The following PCDHGA1 variants were observed in gnomAD, a reference collection of about 807,000 sequenced individuals.
The protein encoded by PCDHGA1 is protocadherin gamma subfamily A, 1, also known as protocadherin gamma-A1.
A neutral mutation model predicts 58.0 loss-of-function variants in PCDHGA1; 32 were observed. The observed-to-expected ratio is 0.55, with a 90% CI of 0.42 to 0.74. The LOEUF (loss-of-function observed/expected upper bound fraction) is 0.74, where lower values mean the gene tolerates loss of function less well. PCDHGA1 is among the 30% of genes least tolerant of loss of function. The probability of loss-of-function intolerance (pLI) is 0.00; values close to 1 mark genes in which losing one functional copy is unlikely to be tolerated. For synonymous variants in PCDHGA1, 498 were observed against 501.1 expected (o/e 0.99, Z 0.08); for missense variants, 1,205 against 1,182.3 (o/e 1.02, Z -0.28).
chr5:141,433,262 T>A, intron 1 of PCDHGA1: 1 of 1,339,436 alleles, frequency 7.5e-7, no homozygotes, highest in Non-Finnish European at 1.0e-6. Flanking sequence ...GGTACGATCA[T>A]AGCTCACTGC....
intron 1 of PCDHGA1, chr5:141,419,113 C>A: frequency 6.2e-7 from 1 of 1,613,872 alleles, no homozygotes; most frequent in Non-Finnish European, 8.5e-7. Flanking sequence ...CCCCAGAGTA[C>A]AACGTCACCA....
chr5:141,489,191 T>C lies in PCDHGA1; in HGVS notation c.2422-5616T>C. On this transcript the variant is annotated intron_variant, in intron 1 of 3. Coordinates refer to ENST00000517417, the MANE Select transcript of PCDHGA1 (RefSeq NM_018912.3). The surrounding 1 kb of genome is among the most constrained non-coding windows in gnomAD (Gnocchi z 4.5). ...CTGCATTCCAAGCCCTGGGTCTACC[T>C]TGGAGACAGGACAGCACAGACTTAC... The C allele has an allele frequency of 7.3e-7, 1 of 1,364,400 alleles. No homozygotes were observed. Among genetic ancestry groups the C allele is most frequent in the Middle Eastern group, 1.9e-4 (1 of 5,334 alleles). The allele number at this position is 1,364,400 out of a possible 1,614,324, so 84.5% of individuals were successfully genotyped here. A position where few individuals can be genotyped will look rare whatever the true frequency, so the allele number is the denominator to read the frequency against.
Position 141,338,965 on chromosome 5 carries a change from G to C in PCDHGA1, c.2421+5860G>C, listed in dbSNP as rs199668326. ...GTTGACTCGGAGAAAATTGCGACAGGAGGGAAATGGCGGCTCTGCAAAAGT... is the reference window on the plus strand; with the variant it reads ...GTTGACTCGGAGAAAATTGCGACAGCAGGGAAATGGCGGCTCTGCAAAAGT... On this transcript the variant is annotated intron_variant, in intron 1 of 3. Coordinates refer to ENST00000517417, the MANE Select transcript of PCDHGA1 (RefSeq NM_018912.3). The C allele has an allele frequency of 3.9e-6, 6 of 1,526,732 alleles. No individual in the cohort carries two copies. In the East Asian group the frequency reaches 1.4e-4, roughly 35 times the overall value. 94.6% of individuals were successfully genotyped at this position (1,526,732 alleles called of 1,614,324 possible).
chr5:141,403,100 A>G (rs1295654527), intron 1 of PCDHGA1: 5 of 1,613,992 alleles, frequency 3.1e-6, no homozygotes, highest in Non-Finnish European at 4.2e-6. Flanking sequence ...CAACATCTCC[A>G]AGGACCTGGC....
intron 1 of PCDHGA1, among the ~76,000 whole-genome samples, chr5:141,461,805 C>T (rs773854105): frequency 4.6e-5 from 7 of 151,854 alleles, no homozygotes; most frequent in Non-Finnish European, 8.8e-5. Flanking sequence ...AGGTGCCCAC[C>T]ACCACACCCA....
At chr5:141,403,574 C>A (rs1441332710) in intron 1 of PCDHGA1, 1 of 1,613,960 alleles carries the variant, frequency 6.2e-7, no homozygotes, top group Admixed American at 1.7e-5. Flanking sequence ...GGCAACTGCC[C>A]ACCACCTGGT....
intron 1 of PCDHGA1, chr5:141,383,335 A>C (rs768493481): frequency 2.6e-5 from 42 of 1,613,892 alleles, no homozygotes; most frequent in Non-Finnish European, 3.4e-5. Flanking sequence ...AATGGAGAAT[A>C]CAGCTCCTGG....
intron 1 of PCDHGA1, chr5:141,408,721 C>T (rs994778084): frequency 6.2e-7 from 1 of 1,611,372 alleles, no homozygotes; most frequent in Non-Finnish European, 8.5e-7. Flanking sequence ...ATAAGATAAA[C>T]TCTAATCCTT....
chr5:141,456,884 A>G (rs1448469695), intron 1 of PCDHGA1, among the ~76,000 whole-genome samples: 1 of 151,974 alleles, frequency 6.6e-6, no homozygotes, highest in East Asian at 1.9e-4. Flanking sequence ...AATCGCTTGA[A>G]CCCGGGAGGC....
intron 1 of PCDHGA1, chr5:141,352,341 T>C (rs1057492750): frequency 6.2e-7 from 1 of 1,614,076 alleles, no homozygotes; most frequent in Non-Finnish European, 8.5e-7. Context: ...GCCTTGGCCT[T>C]GATCTCAGTG....
Position 141,366,720 on chromosome 5 carries a change from T to C in PCDHGA1, c.2421+33615T>C, listed in dbSNP as rs1471976896. 1.2e-6 allele frequency: 2 copies of C among 1,613,598 alleles called. No individual in the cohort carries two copies. Among genetic ancestry groups the C allele is most frequent in the East Asian group, 4.5e-5 (2 of 44,886 alleles). On this transcript the variant is annotated intron_variant, in intron 1 of 3. Transcript: ENST00000517417. ...GAGCCTCTTCTGATGTCTGATAAGG[T>C]AGATGCAAACAAAGAAGAACGGCGA... is the stretch of plus-strand genomic sequence containing the variant.
intron 1 of PCDHGA1, among the ~76,000 whole-genome samples, chr5:141,459,160 T>C (rs1330588092): frequency 6.6e-6 from 1 of 152,228 alleles, no homozygotes; most frequent in African/African-American, 2.4e-5. Context: ...AGAACATTTC[T>C]ATAACCTTCA....
At position 141,408,409 on chromosome 5, in the gene PCDHGA1, C is replaced by G. The variant is rs780778580; in HGVS notation, c.2421+75304C>G. On this transcript the variant is annotated intron_variant, in intron 1 of 3. Coordinates refer to ENST00000517417, the MANE Select transcript of PCDHGA1 (RefSeq NM_018912.3). ...TGTCGGCTCGCAAGCTGCGAGTGAGCGCGGAGAAGCTGCACTTCAGCGTAG... is the reference window on the plus strand; with the variant it reads ...TGTCGGCTCGCAAGCTGCGAGTGAGGGCGGAGAAGCTGCACTTCAGCGTAG... 3.1e-6 allele frequency: 5 copies of G among 1,613,884 alleles called. No individual in the cohort carries two copies. In the East Asian group the frequency reaches 1.1e-4, roughly 36 times the overall value.
At chr5:141,410,063 C>CTGCGCACTGGGGAGG (rs2095353294) in intron 1 of PCDHGA1, 2 of 1,612,972 alleles carry the variant, frequency 1.2e-6, no homozygotes, top group Non-Finnish European at 1.7e-6. Context: ...CAGCCTGGGG[C>CTGCGCACTGGGGAGG]TGCGCACTGG....
intron 1 of PCDHGA1, chr5:141,484,976 G>T: frequency 1.7e-6 from 1 of 592,920 alleles, no homozygotes; most frequent in South Asian, 2.1e-5. Flanking sequence ...GCCGCTGTCT[G>T]CCAATCGGGT....
rs752402965 is a variant in PCDHGA1, at chr5:141,491,400, C to G, written c.2422-3407C>G. The G allele has an allele frequency of 2.7e-5, 44 of 1,613,990 alleles. No individual in the cohort carries two copies. The highest frequency in any genetic ancestry group is 3.5e-5 in the Non-Finnish European group (41 of 1,179,996). On this transcript the variant is annotated intron_variant, in intron 1 of 3. Coordinates refer to ENST00000517417, the MANE Select transcript of PCDHGA1 (RefSeq NM_018912.3). The surrounding 1 kb of genome is among the most constrained non-coding windows in gnomAD (Gnocchi z 6.9). ...TGTCAGCGAAGTGCCTTCAGGGAAA[C>G]GCAGACGGGGACGGGGGTGGAGGGC... is the stretch of plus-strand genomic sequence containing the variant.
At position 141,489,097 on chromosome 5, in the gene PCDHGA1, C is replaced by A; in HGVS notation, c.2422-5710C>A. ...ACCCCCGCCACTCGGTGACTAAGAA[C>A]TGCTGCAAGCAGGCAAACCTCCGAG... On this transcript the variant is annotated intron_variant, in intron 1 of 3. Transcript: ENST00000517417. This position sits in a 1 kb window ranked among gnomAD's most constrained non-coding sequence, Gnocchi z 4.5. The A allele has an allele frequency of 2.6e-5, 8 of 313,358 alleles. No homozygotes were observed. Among genetic ancestry groups the A allele is most frequent in the Non-Finnish European group, 3.5e-5 (6 of 172,456 alleles). The allele number at this position is 313,358 out of a possible 1,614,324, so 19.4% of individuals were successfully genotyped here. A position where few individuals can be genotyped will look rare whatever the true frequency, so the allele number is the denominator to read the frequency against.
intron 1 of PCDHGA1, chr5:141,374,343 C>A (rs753543776): frequency 6.2e-7 from 1 of 1,613,990 alleles, no homozygotes; most frequent in Admixed American, 1.7e-5. Flanking sequence ...TTGGTCACCG[C>A]GGGTAGGATA....
At chr5:141,345,351 C>T in intron 1 of PCDHGA1, 4 of 1,613,988 alleles carry the variant, frequency 2.5e-6, no homozygotes, top group Non-Finnish European at 3.4e-6. Context: ...TCACATCACC[C>T]TGCATGTGAT....
Sources: gnomAD v4.1 joint callset for allele counts (sites outside exome capture counted in the v4.1 genomes callset) on GRCh38, gnomAD v4.1.1 for gene constraint, Gnocchi (gnomAD v3.1) non-coding constraint, MANE v1.5 for transcripts, NCBI Gene and HGNC (gene_info 2026-07-23, HGNC 2026-07-21) for gene names.